The following MLIP variants were observed in gnomAD, a reference collection of about 807,000 sequenced individuals.
MLIP encodes the protein muscular LMNA interacting protein.
MLIP carries 79 observed loss-of-function variants against 84.8 expected under a neutral mutation model. The ratio of observed to expected loss-of-function variants is 0.93; its 90% confidence interval spans 0.78 to 1.12. The LOEUF (loss-of-function observed/expected upper bound fraction) is 1.12. MLIP is among the 50% of genes most tolerant of loss of function. The pLI is 0.00. For synonymous variants in MLIP, 504 were observed against 463.0 expected (o/e 1.09, Z -1.14); for missense variants, 1,257 against 1,160.6 (o/e 1.08, Z -1.21).
chr6:54,066,544 G>T, intron 1 of MLIP, among the ~76,000 whole-genome samples: 1 of 57,962 alleles, frequency 1.7e-5, no homozygotes, highest in East Asian at 7.1e-4. Flanking sequence ...AATATTTGGG[G>T]CAAGTGAACT....
intron 1 of MLIP, among the ~76,000 whole-genome samples, chr6:54,039,215 A>G (rs556894465): frequency 6.6e-6 from 1 of 152,134 alleles, no homozygotes; most frequent in Non-Finnish European, 1.5e-5. Context: ...TTTAAGTTTG[A>G]CTTTCATCTT....
intron 1 of MLIP, among the ~76,000 whole-genome samples, chr6:54,060,989 T>A (rs1007407095): frequency 6.6e-6 from 1 of 151,512 alleles, no homozygotes; most frequent in African/African-American, 2.4e-5. Flanking sequence ...CTGTTTCTTT[T>A]TTTTTTTTTT....
intron 1 of MLIP, among the ~76,000 whole-genome samples, chr6:54,100,363 C>T (rs1768552232): frequency 6.6e-6 from 1 of 151,880 alleles, no homozygotes; most frequent in African/African-American, 2.4e-5. Flanking sequence ...TACAAAATAC[C>T]TTTATATAAT....
intron 1 of MLIP, among the ~76,000 whole-genome samples, chr6:54,077,594 A>G (rs1766881136): frequency 6.6e-6 from 1 of 152,218 alleles, no homozygotes; most frequent in Admixed American, 6.5e-5. Flanking sequence ...TCTTTAAAAA[A>G]TTAAATAGAG....
At chr6:54,147,826 C>T (rs887606660) in intron 4 of MLIP, among the ~76,000 whole-genome samples, 2 of 152,080 alleles carry the variant, frequency 1.3e-5, no homozygotes, top group African/African-American at 4.8e-5. Flanking sequence ...TTCTATGACA[C>T]TTGCTGGCAT....
At chr6:54,196,643 TCCA>T (rs1778319334) in intron 10 of MLIP, among the ~76,000 whole-genome samples, 1 of 152,036 alleles carries the variant, frequency 6.6e-6, no homozygotes, top group African/African-American at 2.4e-5. Flanking sequence ...TCTTATAGAC[TCCA>T]TATTGAATTA....
At chr6:54,092,282 T>C (rs1035168931) in intron 1 of MLIP, among the ~76,000 whole-genome samples, 1 of 152,170 alleles carries the variant, frequency 6.6e-6, no homozygotes, top group Non-Finnish European at 1.5e-5. Flanking sequence ...TACATGCTTG[T>C]GAATTGCAAT....
At chr6:54,091,392 A>C (rs1016473465) in intron 1 of MLIP, among the ~76,000 whole-genome samples, 8 of 152,160 alleles carry the variant, frequency 5.3e-5, no homozygotes, top group African/African-American at 1.9e-4. Context: ...CTTTTAAGGG[A>C]GACTATCTTT....
intron 1 of MLIP, among the ~76,000 whole-genome samples, chr6:54,054,936 G>A (rs1240108545): frequency 2.0e-5 from 3 of 150,998 alleles, no homozygotes; most frequent in Non-Finnish European, 4.4e-5. Flanking sequence ...CGCCCAGGCT[G>A]GAGTGCACTG....
At position 54,117,322 on chromosome 6, in the gene MLIP, C is replaced by T. The variant is rs1450678783; in HGVS notation, c.97-4125C>T. Among the ~76,000 whole-genome samples, 4 of 147,182 alleles carry T rather than the reference C, an allele frequency of 2.7e-5. No individual in the cohort carries two copies. The Admixed American group carries it at 2.8e-4, about 10-fold the overall frequency. On this transcript the variant is annotated intron_variant, in intron 1 of 13. Transcript: ENST00000502396. The stretch of plus-strand genomic sequence containing the variant: ...CTCTGCCTCCCAGGTTCATGCTGTT[C>T]TCCTGCCTCAGCCTCCCAAGTAGCT...
chr6:54,055,895 G>T (rs1395595904), intron 1 of MLIP, among the ~76,000 whole-genome samples: 1 of 152,106 alleles, frequency 6.6e-6, no homozygotes, highest in Non-Finnish European at 1.5e-5. Flanking sequence ...TTACCCTTAT[G>T]TGGCAATTCC....
intron 1 of MLIP, among the ~76,000 whole-genome samples, chr6:54,038,787 C>G (rs1764586862): frequency 6.6e-6 from 1 of 151,818 alleles, no homozygotes; most frequent in Non-Finnish European, 1.5e-5. Context: ...TCTTTTGTTT[C>G]TTTTTGGAAT....
chr6:54,215,401 T>C (rs1779786722), intron 11 of MLIP: 12 of 1,275,722 alleles, frequency 9.4e-6, no homozygotes, highest in Non-Finnish European at 1.2e-5. Flanking sequence ...ATGGAACCCA[T>C]ACTAATAAGT....
chr6:54,176,077 C>G (rs540107734), intron 9 of MLIP, among the ~76,000 whole-genome samples: 2 of 152,028 alleles, frequency 1.3e-5, no homozygotes, highest in African/African-American at 4.8e-5. Context: ...TGGGATAAAT[C>G]CTACTTGATC....
intron 13 of MLIP, among the ~76,000 whole-genome samples, chr6:54,257,945 CT>C (rs1474236185): frequency 6.6e-6 from 1 of 151,924 alleles, no homozygotes; most frequent in African/African-American, 2.4e-5. Flanking sequence ...AAACAACTTT[CT>C]TTTTTTAAAA....
rs1307044174 is a variant in MLIP, at chr6:54,266,220, G to T, written c.*265G>T. On this transcript the variant is annotated 3_prime_UTR_variant, in exon 14 of 14. Transcript: ENST00000502396. ...CCTTCTACTTAATATTAAGCTGACC[G>T]CAATACTAACGTGCCCCTATATTTG... The T allele has an allele frequency of 5.0e-6, 2 of 400,798 alleles. No homozygotes were observed. The highest frequency in any genetic ancestry group is 8.2e-5 in the Admixed American group (2 of 24,538). The allele number at this position is 400,798 out of a possible 1,614,324, so 24.8% of individuals were successfully genotyped here.
At chr6:54,060,660 A>T (rs1403599008) in intron 1 of MLIP, among the ~76,000 whole-genome samples, 1 of 152,210 alleles carries the variant, frequency 6.6e-6, no homozygotes, top group African/African-American at 2.4e-5. Context: ...AGTAGGAAAC[A>T]TTTTAAGTCA....
At chr6:54,238,932 T>C (rs1781541191) in intron 12 of MLIP, among the ~76,000 whole-genome samples, 1 of 152,222 alleles carries the variant, frequency 6.6e-6, no homozygotes, top group South Asian at 2.1e-4. Context: ...CACTATTTTA[T>C]TTCAAGTCTG....
At chr6:54,197,596 G>A (rs1010845037) in intron 10 of MLIP, among the ~76,000 whole-genome samples, 5 of 151,950 alleles carry the variant, frequency 3.3e-5, no homozygotes, top group African/African-American at 1.2e-4. Flanking sequence ...TGTGCCCTTT[G>A]TGCTGGCTAT....
Sources: gnomAD v4.1 joint callset for allele counts (sites outside exome capture counted in the v4.1 genomes callset) on GRCh38, gnomAD v4.1.1 for gene constraint, MANE v1.5 for transcripts, NCBI Gene and HGNC (gene_info 2026-07-23, HGNC 2026-07-21) for gene names.